EYA4: variants seen among roughly 807,000 people sequenced by gnomAD.
EYA4 encodes EYA transcriptional coactivator and phosphatase 4.
EYA4 carries 31 observed loss-of-function variants against 87.9 expected under a neutral mutation model. That is an observed-to-expected ratio of 0.35 (90% CI 0.27 to 0.48). The LOEUF is 0.48. Ranked by LOEUF, EYA4 falls within the 20% of genes least tolerant of loss-of-function variation. The pLI, the probability that EYA4 is intolerant of heterozygous loss-of-function variation, is 0.99. For synonymous variants in EYA4, 263 were observed against 270.6 expected (o/e 0.97, Z 0.28); for missense variants, 678 against 761.4 (o/e 0.89, Z 1.29).
At chr6:133,479,417 AT>A (rs1339382789) in intron 11 of EYA4, among the ~76,000 whole-genome samples, 1 of 152,148 alleles carries the variant, frequency 6.6e-6, no homozygotes, top group Non-Finnish European at 1.5e-5. Flanking sequence ...GCACAGGCAT[AT>A]TTTTTTGATC....
At chr6:133,357,210 G>A (rs1381292154) in intron 2 of EYA4, among the ~76,000 whole-genome samples, 1 of 143,344 alleles carries the variant, frequency 7.0e-6, no homozygotes, top group Non-Finnish European at 1.5e-5. Context: ...GGCGGAGCTT[G>A]CAGTGAGCCG....
intron 13 of EYA4, among the ~76,000 whole-genome samples, chr6:133,494,538 T>C: frequency 6.6e-6 from 1 of 152,010 alleles, no homozygotes; most frequent in East Asian, 1.9e-4. Flanking sequence ...TTATTGTACA[T>C]TTTAAAATAA....
intron 11 of EYA4, among the ~76,000 whole-genome samples, chr6:133,475,820 T>G (rs1485983155): frequency 6.6e-6 from 1 of 152,116 alleles, no homozygotes; most frequent in Non-Finnish European, 1.5e-5. Flanking sequence ...TTACCCTTTA[T>G]CAGAAGAAAG....
chr6:133,420,211 A>G (rs1221781455), intron 3 of EYA4, among the ~76,000 whole-genome samples: 1 of 151,500 alleles, frequency 6.6e-6, no homozygotes, highest in East Asian at 1.9e-4. Context: ...ATGCATTCAT[A>G]TTCACTATTA....
chr6:133,463,962 A>ATT (rs112371864), intron 9 of EYA4, among the ~76,000 whole-genome samples: 51 of 146,320 alleles, frequency 3.5e-4, no homozygotes, highest in Admixed American at 1.6e-3. Flanking sequence ...GACAGACAGT[A>ATT]TTTTTTTTTT....
chr6:133,481,387 A>G, intron 11 of EYA4, 76 bp from the exon 12 acceptor site: 1 of 1,389,322 alleles, frequency 7.2e-7, no homozygotes, highest in Non-Finnish European at 1.0e-6. Context: ...GAATTTGTTA[A>G]GATAATTAAT....
chr6:133,317,790 C>T (rs1780740841), intron 2 of EYA4, among the ~76,000 whole-genome samples: 1 of 151,728 alleles, frequency 6.6e-6, no homozygotes, highest in African/African-American at 2.4e-5. Flanking sequence ...CCCTTTTGTC[C>T]ATCCATCCAG....
At chr6:133,373,977 A>T (rs1196767016) in intron 2 of EYA4, among the ~76,000 whole-genome samples, 1 of 152,082 alleles carries the variant, frequency 6.6e-6, no homozygotes, top group Non-Finnish European at 1.5e-5. Context: ...CCACTGGGTA[A>T]TAATGAAAAA....
intron 17 of EYA4, among the ~76,000 whole-genome samples, chr6:133,521,060 A>C (rs1800077510): frequency 6.6e-6 from 1 of 151,788 alleles, no homozygotes; most frequent in Non-Finnish European, 1.5e-5. Context: ...ATGGGCAAGG[A>C]CTTCATGTCT....
intron 2 of EYA4, among the ~76,000 whole-genome samples, chr6:133,366,324 G>C (rs1177968362): frequency 2.6e-5 from 4 of 152,164 alleles, no homozygotes; most frequent in African/African-American, 7.2e-5. Context: ...GTTCCATATG[G>C]CTGTGAGATT....
intron 3 of EYA4, among the ~76,000 whole-genome samples, chr6:133,394,285 T>A (rs1030625743): frequency 0.2 from 2,946 of 14,676 alleles, 255 homozygotes; most frequent in Non-Finnish European, 0.45. Context: ...TAAGCTTGTG[T>A]TTTTTTTTTT....
intron 2 of EYA4, among the ~76,000 whole-genome samples, chr6:133,339,815 A>G (rs550545732): frequency 2.6e-5 from 4 of 152,344 alleles, no homozygotes; most frequent in South Asian, 4.1e-4. Flanking sequence ...GTAGGTGTTT[A>G]TAGGTAGCCA....
intron 2 of EYA4, among the ~76,000 whole-genome samples, chr6:133,311,110 C>T (rs964880353): frequency 2.0e-5 from 3 of 152,008 alleles, no homozygotes; most frequent in Non-Finnish European, 1.5e-5. Flanking sequence ...ATTACCATTA[C>T]CCAGGCTTGT....
intron 1 of EYA4, 43 bp from the exon 2 acceptor site, chr6:133,274,673 A>G (rs1562234900): frequency 1.1e-6 from 1 of 916,670 alleles, no homozygotes; most frequent in Non-Finnish European, 1.8e-6. Flanking sequence ...AAATGAATAT[A>G]AAGATAACAT....
chr6:133,301,827 T>G (rs1168070610), intron 2 of EYA4, among the ~76,000 whole-genome samples: 5 of 152,168 alleles, frequency 3.3e-5, no homozygotes, highest in African/African-American at 1.2e-4. Flanking sequence ...CAGTTTGCAT[T>G]TTGAAGGAGG....
In EYA4 at chr6:133,468,658, A is replaced by C. The variant is rs1400102256; in HGVS notation, c.897A>C (p.Thr299=). The C allele has an allele frequency of 6.2e-7, 1 of 1,613,190 alleles. No individual in the cohort carries two copies. Among genetic ancestry groups the C allele is most frequent in the Admixed American group, 1.7e-5 (1 of 59,880 alleles). The part of the protein sequence containing the change: ...TYGAYMTSNN[T]ADGTPSSTST... ...GAGCGTATATGACATCGAATAACAC[A>C]GCCGATGGCACACCCTCTTCAACCT... The change falls in exon 11 of 20, where the codon ACA becomes ACC. Residue 299 remains threonine (T), a synonymous_variant. Coordinates refer to ENST00000355286, the MANE Select transcript of EYA4 (RefSeq NM_004100.5).
chr6:133,400,081 A>C (rs1279367350), intron 3 of EYA4, among the ~76,000 whole-genome samples: 1 of 152,228 alleles, frequency 6.6e-6, no homozygotes, highest in East Asian at 1.9e-4. Flanking sequence ...TTTATCCATT[A>C]ATACATATTT....
chr6:133,446,841 A>G (rs1792891673), intron 4 of EYA4, 87 bp downstream of exon 4: 1 of 1,169,160 alleles, frequency 8.6e-7, no homozygotes, highest in Non-Finnish European at 1.3e-6. Context: ...ATAAATAAAT[A>G]TCTTATTATC....
chr6:133,462,141 A>G (rs888410465), intron 7 of EYA4, 194 bp from the exon 8 acceptor site: 32 of 656,184 alleles, frequency 4.9e-5, no homozygotes, highest in East Asian at 8.3e-5. Context: ...TCATTTGTCT[A>G]TGGTCACTAG....
Sources: allele counts gnomAD v4.1 joint callset (sites outside exome capture counted in the v4.1 genomes callset), GRCh38; gene constraint gnomAD v4.1.1; transcripts MANE v1.5; gene names NCBI Gene and HGNC (gene_info 2026-07-23, HGNC 2026-07-21).